The following HECTD4 variants were observed in gnomAD, a reference collection of about 807,000 sequenced individuals.
HECTD4 encodes HECT domain E3 ubiquitin protein ligase 4, also known as probable E3 ubiquitin-protein ligase HECTD4.
Under a neutral mutation model 471.5 loss-of-function variants are expected in HECTD4, and 114 were observed. That is an observed-to-expected ratio of 0.24 (90% CI 0.21 to 0.28). The LOEUF (loss-of-function observed/expected upper bound fraction) is 0.28, where lower values mean the gene tolerates loss of function less well. HECTD4 is among the 10% of genes least tolerant of loss of function. HECTD4 has a pLI of 1.00. For missense variants in HECTD4, 3,866 were observed against 5,651.5 expected (o/e 0.68, Z 10.13); for synonymous variants, 2,012 against 2,256.0 (o/e 0.89, Z 3.07).
chr12:112,316,906 A>G (rs1429651020), intron 2 of HECTD4, among the ~76,000 whole-genome samples: 1 of 152,098 alleles, frequency 6.6e-6, no homozygotes, highest in African/African-American at 2.4e-5. Flanking sequence ...CCATTTCAAC[A>G]TTTCTGCTGA....
chr12:112,248,134 A>G lies in HECTD4; in HGVS notation c.4181T>C (p.Val1394Ala). 2 of 1,613,616 alleles carry G rather than the reference A, an allele frequency of 1.2e-6. No homozygotes were observed. Among genetic ancestry groups the G allele is most frequent in the Non-Finnish European group, 1.7e-6 (2 of 1,179,744 alleles). Residue 1394 changes from valine (V) to alanine (A), a missense_variant, in exon 27 of 76, where the codon GTT becomes GCT. Physicochemically the swap from Val to Ala is moderately conservative, Grantham distance 64. Coordinates refer to ENST00000682272, the MANE Select transcript of HECTD4 (RefSeq NM_001388303.1). ...CAGTTTCCCCTGCATGGCATCATCA[A>G]CTTCACTTTGCCATTTTTGTTCCAG... ...AELEQKWQSE[V>A]DDAMQGKLEN... is the part of the protein sequence containing the mutation.
At chr12:112,300,642 T>A (rs1199234580) in intron 7 of HECTD4, among the ~76,000 whole-genome samples, 2 of 152,158 alleles carry the variant, frequency 1.3e-5, no homozygotes, top group Non-Finnish European at 2.9e-5. Context: ...CTGTCACTCA[T>A]GCTGGAATGC....
chr12:112,301,044 C>T (rs1412720793), intron 7 of HECTD4, among the ~76,000 whole-genome samples: 1 of 151,174 alleles, frequency 6.6e-6, no homozygotes, highest in Non-Finnish European at 1.5e-5. Context: ...GCCACCATGC[C>T]CGGCTAATTT....
chr12:112,198,282 T>C (rs2032308307), intron 55 of HECTD4, among the ~76,000 whole-genome samples: 1 of 152,126 alleles, frequency 6.6e-6, no homozygotes. Flanking sequence ...AAGAGGTGAG[T>C]ATTCACTGAG....
intron 37 of HECTD4, 108 bp from the exon 38 acceptor site, chr12:112,233,193 A>C: frequency 3.5e-6 from 2 of 575,018 alleles, no homozygotes; most frequent in Non-Finnish European, 6.0e-6. Flanking sequence ...ATACACTAAC[A>C]TTAGCTTACA....
rs1320640996 is a variant in HECTD4 at position 112,185,138 on chromosome 12, T to C, written c.9828A>G (p.Thr3276=). ...EVTLPTNMSV[T]ASGVTSATAP... is the part of the protein sequence containing the mutation. ...CGGTCGCTGAGGTCACCCCACTGGC[T>C]GTGACACTCATGTTAGTAGGCAGGG... is the stretch of plus-strand genomic sequence containing the variant. Residue 3276 remains threonine (T), a synonymous_variant, in exon 61 of 76, where the codon ACA becomes ACG. Coordinates refer to ENST00000682272, the MANE Select transcript of HECTD4 (RefSeq NM_001388303.1). 2.6e-6 allele frequency: 4 copies of C among 1,554,662 alleles called. No individual in the cohort carries two copies. The highest frequency in any genetic ancestry group is 2.4e-5 in the South Asian group (2 of 84,276).
rs201363187 is a variant in HECTD4 at position 112,178,966 on chromosome 12, C to A, written c.11328G>T (p.Pro3776=). The A allele has an allele frequency of 1.2e-6, 2 of 1,612,614 alleles. No individual in the cohort carries two copies. Among genetic ancestry groups the A allele is most frequent in the East Asian group, 2.2e-5 (1 of 44,884 alleles). The part of the protein sequence containing the change: ...VVSTKRPITK[P]PAKDKAVLNS... The stretch of plus-strand genomic sequence containing the variant: ...TGAGCACAGCCTTGTCCTTGGCGGG[C>A]GGCTTGGTGATAGGCCGCTTGGTGC... The change falls in exon 64 of 76, where the codon CCG becomes CCT. Residue 3776 remains proline (P), a synonymous_variant. Transcript: ENST00000682272.
intron 10 of HECTD4, 33 bp from the exon 11 acceptor site, chr12:112,273,828 T>G (rs756915852): frequency 3.1e-6 from 5 of 1,608,662 alleles, no homozygotes; most frequent in Admixed American, 1.7e-5. Flanking sequence ...TCAGTCACCA[T>G]GCCACCAGCT....
chr12:112,230,938 G>C (rs2033364063), intron 39 of HECTD4, 116 bp from the exon 40 acceptor site: 5 of 914,272 alleles, frequency 5.5e-6, no homozygotes, highest in Non-Finnish European at 8.1e-6. Flanking sequence ...AGAAAAAGTG[G>C]ATTCCATTGA....
chr12:112,194,813 G>C lies in HECTD4; in HGVS notation c.8749+72C>G, dbSNP rs2032184454. 1 of 1,373,204 alleles carries C rather than the reference G, an allele frequency of 7.3e-7. No individual in the cohort carries two copies. The highest frequency in any genetic ancestry group is 2.5e-5 in the East Asian group (1 of 40,154). The allele number at this position is 1,373,204 out of a possible 1,614,324, so 85.1% of individuals were successfully genotyped here. A position where few individuals can be genotyped will look rare whatever the true frequency, so the allele number is the denominator to read the frequency against. On this transcript the variant is annotated intron_variant, in intron 56 of 75. Transcript: ENST00000682272. The surrounding 1 kb of genome is among the most constrained non-coding windows in gnomAD (Gnocchi z 4.6). The stretch of plus-strand genomic sequence containing the variant: ...GAGGCATTTCTCGCCCTCATGCAGG[G>C]AATGACTACACTGTGCACAGCGCCC...
At chr12:112,240,447 T>G (rs1235421162) in intron 32 of HECTD4, among the ~76,000 whole-genome samples, 2 of 152,068 alleles carry the variant, frequency 1.3e-5, no homozygotes, top group Admixed American at 1.3e-4. Flanking sequence ...TTCTTTTCTT[T>G]TCTTTTCTTT....
chr12:112,219,514 G>C (rs745590739), intron 44 of HECTD4, 25 bp from the exon 45 acceptor site: 11 of 1,563,028 alleles, frequency 7.0e-6, no homozygotes, highest in Non-Finnish European at 4.4e-6. Flanking sequence ...TGTTGAATCT[G>C]TGAAAACAAC....
chr12:112,260,743 A>AT (rs200690215), intron 18 of HECTD4, among the ~76,000 whole-genome samples: 5,774 of 138,688 alleles, frequency 0.042, 212 homozygotes, highest in African/African-American at 0.11. Flanking sequence ...TGCCTGGCTA[A>AT]TTTTTTTTTT....
chr12:112,286,861 T>C (rs2034765637), intron 7 of HECTD4, among the ~76,000 whole-genome samples: 1 of 152,168 alleles, frequency 6.6e-6, no homozygotes, highest in South Asian at 2.1e-4. Context: ...CCTCTCTCAC[T>C]ACATTTTTAG....
intron 1 of HECTD4, among the ~76,000 whole-genome samples, chr12:112,361,619 T>A (rs891013939): frequency 6.6e-6 from 1 of 152,106 alleles, no homozygotes; most frequent in African/African-American, 2.4e-5. Context: ...GAAATTGAAA[T>A]TCTGATAGGT....
chr12:112,325,889 A>ACCC (rs2035732724), intron 1 of HECTD4, among the ~76,000 whole-genome samples: 1 of 150,450 alleles, frequency 6.6e-6, no homozygotes. Flanking sequence ...AGTGCAGTGG[A>ACCC]ACGATCATGG....
chr12:112,336,154 C>T (rs1566116259), intron 1 of HECTD4, among the ~76,000 whole-genome samples: 1 of 152,146 alleles, frequency 6.6e-6, no homozygotes, highest in Non-Finnish European at 1.5e-5. Flanking sequence ...CTGCAGAAAA[C>T]AAGACAAATA....
At chr12:112,195,149 A>G in intron 55 of HECTD4, 83 bp from the exon 56 acceptor site, 1 of 1,222,982 alleles carries the variant, frequency 8.2e-7, no homozygotes, top group South Asian at 1.5e-5. Context: ...GTTCTGAAGG[A>G]AAAGGATCCT....
intron 54 of HECTD4, chr12:112,201,124 C>T (rs2032416048): frequency 4.4e-6 from 2 of 455,576 alleles, no homozygotes; most frequent in Non-Finnish European, 8.7e-6. Context: ...GATGGAGTCT[C>T]ACCGTGTCAT....
Sources: allele counts gnomAD v4.1 joint callset (sites outside exome capture counted in the v4.1 genomes callset), GRCh38; gene constraint gnomAD v4.1.1; non-coding constraint Gnocchi (gnomAD v3.1); transcripts MANE v1.5; gene names NCBI Gene and HGNC (gene_info 2026-07-23, HGNC 2026-07-21).